Variants in ZBTB1 observed in about 807,000 individuals in gnomAD.
ZBTB1 encodes zinc finger and BTB domain-containing protein 1.
Under a neutral mutation model 51.6 loss-of-function variants are expected in ZBTB1, and 13 were observed. That is an observed-to-expected ratio of 0.25 (90% CI 0.16 to 0.40). ZBTB1 has a LOEUF of 0.40. Ranked by LOEUF, ZBTB1 falls within the 10% of genes least tolerant of loss-of-function variation. ZBTB1 has a pLI of 1.00. For synonymous variants in ZBTB1, 240 were observed against 282.2 expected (o/e 0.85, Z 1.50); for missense variants, 567 against 856.5 (o/e 0.66, Z 4.22).
At position 64,524,840 on chromosome 14, in the gene ZBTB1, C is replaced by T. The variant is rs2079891900; in HGVS notation, c.*1194C>T. The T allele has an allele frequency of 2.0e-6, 2 of 984,108 alleles. No homozygotes were observed. Among genetic ancestry groups the T allele is most frequent in the African/African-American group, 3.5e-5 (2 of 57,150 alleles). 61.0% of individuals were successfully genotyped at this position (984,108 alleles called of 1,614,324 possible). A position where few individuals can be genotyped will look rare whatever the true frequency, so the allele number is the denominator to read the frequency against. On this transcript the variant is annotated 3_prime_UTR_variant, in exon 2 of 2. Transcript: ENST00000683701. ...CAATGGAAACAGTTTATCATTTTTT[C>T]AGTTAAAGTAGTAGTATTGTTAGTT...
In ZBTB1 at chr14:64,511,833, A is replaced by G. The variant is rs550406017; in HGVS notation, c.-19+6887A>G. On this transcript the variant is annotated intron_variant, in intron 1 of 1. Coordinates refer to ENST00000683701, the MANE Select transcript of ZBTB1 (RefSeq NM_001123329.2). ...CAAACCCTTGCAAATTTGAACAACT[A>G]CTATGTTTCAGCAAAACATAATTGT... is the stretch of plus-strand genomic sequence containing the variant. 1.6e-4 allele frequency among the ~76,000 whole-genome samples: 24 copies of G among 152,328 alleles called. No homozygotes were observed. In the South Asian group the frequency reaches 4.6e-3, roughly 29 times the overall value.
chr14:64,522,982 A>G lies in ZBTB1; in HGVS notation c.1478A>G (p.Asn493Ser). ...NTEEKMDLEE[N>S]PDEQSEIRDM... is the part of the protein sequence containing the mutation. ...GAGGAGAAAATGGACTTGGAAGAGA[A>G]TCCTGATGAGCAGTCCGAAATAAGA... Residue 493 changes from asparagine to serine, a missense_variant, in exon 2 of 2, where the codon AAT becomes AGT. Physicochemically the swap from Asn to Ser is conservative, Grantham distance 46. Coordinates refer to ENST00000683701, the MANE Select transcript of ZBTB1 (RefSeq NM_001123329.2). 1 of 1,614,232 alleles carries G rather than the reference A, an allele frequency of 6.2e-7. No homozygotes were observed. Among genetic ancestry groups the G allele is most frequent in the Non-Finnish European group, 8.5e-7 (1 of 1,180,030 alleles).
chr14:64,509,329 C>G (rs1221459518), intron 1 of ZBTB1, among the ~76,000 whole-genome samples: 4 of 152,032 alleles, frequency 2.6e-5, no homozygotes, highest in Non-Finnish European at 4.4e-5. Flanking sequence ...CGAAATTGCC[C>G]CATTGCACTC....
At chr14:64,518,931 T>TATATATATATATATATATACAC (rs1566633439) in intron 1 of ZBTB1, among the ~76,000 whole-genome samples, 1 of 140,310 alleles carries the variant, frequency 7.1e-6, no homozygotes, top group Admixed American at 7.1e-5. Context: ...TATATATATA[T>TATATATATATATATATATACAC]ATATAGTATG....
chr14:64,511,869 A>T (rs962779504), intron 1 of ZBTB1, among the ~76,000 whole-genome samples: 2 of 152,212 alleles, frequency 1.3e-5, no homozygotes, highest in Non-Finnish European at 2.9e-5. Context: ...TTCAGAGGAG[A>T]AAACAGCCAG....
At chr14:64,505,874 C>A (rs1211819286) in intron 1 of ZBTB1, among the ~76,000 whole-genome samples, 1 of 152,190 alleles carries the variant, frequency 6.6e-6, no homozygotes, top group Admixed American at 6.5e-5. Flanking sequence ...TGTATCAGTA[C>A]AAGAAATAGT....
At chr14:64,517,001 A>G (rs1255651274) in intron 1 of ZBTB1, among the ~76,000 whole-genome samples, 1 of 152,200 alleles carries the variant, frequency 6.6e-6, no homozygotes, top group Non-Finnish European at 1.5e-5. Context: ...TCTTTATATC[A>G]TTATTTCAAG....
At chr14:64,505,207 CTTCTT>C in intron 1 of ZBTB1, 2 of 304,938 alleles carry the variant, frequency 6.6e-6, no homozygotes, top group Non-Finnish European at 1.2e-5. Context: ...AATTAGTTAC[CTTCTT>C]TTCTTTCTTT....
intron 1 of ZBTB1, among the ~76,000 whole-genome samples, chr14:64,520,585 C>G (rs1290039096): frequency 6.6e-6 from 1 of 152,116 alleles, no homozygotes; most frequent in Non-Finnish European, 1.5e-5. Context: ...CATGGCCAAT[C>G]TTGTATCATC....
chr14:64,510,350 GGTTA>G (rs1329638871), intron 1 of ZBTB1, among the ~76,000 whole-genome samples: 1 of 152,176 alleles, frequency 6.6e-6, no homozygotes, highest in Non-Finnish European at 1.5e-5. Flanking sequence ...CAGGCAGTCT[GGTTA>G]GTTTGTGCTT....
chr14:64,521,202 C>T (rs916451117), intron 1 of ZBTB1, among the ~76,000 whole-genome samples: 24 of 152,052 alleles, frequency 1.6e-4, no homozygotes, highest in African/African-American at 5.3e-4. Flanking sequence ...TTTTTCTGTT[C>T]AAATTTAGTG....
rs566517326 is a variant in ZBTB1, at chr14:64,522,270, A to G, written c.766A>G (p.Ile256Val). 6.2e-7 allele frequency: 1 copy of G among 1,614,216 alleles called. No homozygotes were observed. The highest frequency in any genetic ancestry group is 1.3e-5 in the African/African-American group (1 of 75,076). ...NTRSYHRIVD[I>V]RDGKDSNIKA... Reference sequence around the variant, plus strand: ...AAGATCTTACCATAGAATAGTAGATATTAGAGATGGAAAAGACAGTAACAT... The same window carrying G: ...AAGATCTTACCATAGAATAGTAGATGTTAGAGATGGAAAAGACAGTAACAT... Residue 256 changes from isoleucine to valine, a missense_variant, in exon 2 of 2, where the codon ATT becomes GTT. By Grantham distance (29) the Ile-to-Val change is conservative. This residue lies in a region of ZBTB1 where 329 missense variants were observed against 406.3 expected (regional missense o/e 0.81). Transcript: ENST00000683701.
intron 1 of ZBTB1, among the ~76,000 whole-genome samples, chr14:64,515,430 A>G (rs2079770171): frequency 1.3e-5 from 2 of 152,216 alleles, no homozygotes; most frequent in Admixed American, 6.5e-5. Flanking sequence ...TTTTGGCAGC[A>G]TTAATAAAGA....
At chr14:64,513,002 T>C (rs925571239) in intron 1 of ZBTB1, among the ~76,000 whole-genome samples, 2 of 152,216 alleles carry the variant, frequency 1.3e-5, no homozygotes, top group African/African-American at 4.8e-5. Context: ...TATATAACAC[T>C]GTATGCCTCT....
Position 64,521,867 on chromosome 14 carries a change from T to G in ZBTB1, c.363T>G (p.Cys121Trp), listed in dbSNP as rs541812701. The G allele has an allele frequency of 1.4e-5, 22 of 1,613,166 alleles. 1 individual carries two copies. The highest frequency in any genetic ancestry group is 1.9e-5 in the Non-Finnish European group (22 of 1,180,040). The change falls in exon 2 of 2, where the codon TGT becomes TGG. Residue 121 changes from cysteine (C) to tryptophan (W), a missense_variant. Cys to Trp is a radical substitution (Grantham distance 215). Transcript: ENST00000683701. ...TAGAAGACATCCAGGATGCAGATTG[T>G]TCTAGTTCAAAATGTTCCTCTTCTG... The part of the protein sequence containing the change: ...DCLEDIQDAD[C>W]SSSKCSSSAS...
chr14:64,515,594 C>T (rs1303969988), intron 1 of ZBTB1, among the ~76,000 whole-genome samples: 2 of 149,772 alleles, frequency 1.3e-5, no homozygotes, highest in African/African-American at 4.9e-5. Context: ...AGTCTTGGCT[C>T]ACTGTAAGCT....
At position 64,523,991 on chromosome 14, in the gene ZBTB1, T is replaced by G; in HGVS notation, c.*345T>G. ...TTCACTATTTCTATGTGTTTTTTTT[T>G]TTTTAAGGTTATCCTGTGAAATTTT... On this transcript the variant is annotated 3_prime_UTR_variant, in exon 2 of 2. Transcript: ENST00000683701. This position sits in a 1 kb window ranked among gnomAD's most constrained non-coding sequence, Gnocchi z 4.5. 9.9e-7 allele frequency: 1 copy of G among 1,011,480 alleles called. No homozygotes were observed. The allele number at this position is 1,011,480 out of a possible 1,614,324, so 62.7% of individuals were successfully genotyped here. A position where few individuals can be genotyped will look rare whatever the true frequency, so the allele number is the denominator to read the frequency against.
intron 1 of ZBTB1, among the ~76,000 whole-genome samples, chr14:64,520,028 G>T (rs2079843902): frequency 2.6e-5 from 4 of 151,906 alleles, no homozygotes; most frequent in African/African-American, 9.7e-5. Context: ...TTGAAACGGA[G>T]TCTCGCTCTG....
chr14:64,510,789 T>C (rs2079716732), intron 1 of ZBTB1, among the ~76,000 whole-genome samples: 1 of 152,224 alleles, frequency 6.6e-6, no homozygotes, highest in African/African-American at 2.4e-5. Flanking sequence ...AATAGTGTGA[T>C]ATGATTTTTC....
Sources: allele counts gnomAD v4.1 joint callset (sites outside exome capture counted in the v4.1 genomes callset), GRCh38; gene constraint gnomAD v4.1.1; regional missense constraint gnomAD v4.1.1; non-coding constraint Gnocchi (gnomAD v3.1); transcripts MANE v1.5; gene names NCBI Gene and HGNC (gene_info 2026-07-23, HGNC 2026-07-21).